GUCY1A2: variants seen among roughly 807,000 people sequenced by gnomAD.
GUCY1A2 encodes the protein guanylate cyclase 1 soluble subunit alpha 2.
Under a neutral mutation model 63.5 loss-of-function variants are expected in GUCY1A2, and 27 were observed. That is an observed-to-expected ratio of 0.43 (90% confidence interval 0.31 to 0.59). GUCY1A2 has a LOEUF of 0.59. Among genes scored for constraint, GUCY1A2 ranks in the 20% least tolerant of loss-of-function variants. The pLI, the probability that GUCY1A2 is intolerant of heterozygous loss-of-function variation, is 0.11. For missense variants in GUCY1A2, 768 were observed against 913.3 expected, an observed-to-expected ratio of 0.84 and a Z score of 2.05; for synonymous variants, 364 against 343.5, an observed-to-expected ratio of 1.06 and a Z score of -0.66.
intron 4 of GUCY1A2, among the ~76,000 whole-genome samples, chr11:106,887,632 A>G (rs1169462170): frequency 6.6e-6 from 1 of 152,182 alleles, no homozygotes; most frequent in Admixed American, 6.5e-5. Context: ...TCTGAGTCAC[A>G]CTATTGAGTC....
chr11:106,992,273 C>G (rs539578899), intron 1 of GUCY1A2, among the ~76,000 whole-genome samples: 1 of 150,926 alleles, frequency 6.6e-6, no homozygotes, highest in South Asian at 2.1e-4. Flanking sequence ...GTAATCTGTT[C>G]ACCCTCACGT....
intron 6 of GUCY1A2, among the ~76,000 whole-genome samples, chr11:106,720,085 A>G (rs1038638587): frequency 9.2e-5 from 14 of 152,336 alleles, no homozygotes; most frequent in Admixed American, 2.6e-4. Flanking sequence ...CCACAAAAAT[A>G]TATGTTTAAT....
chr11:106,679,672 A>AATATC lies in GUCY1A2; in HGVS notation c.*7872_*7876dup, dbSNP rs1591226202. The stretch of plus-strand genomic sequence containing the variant: ...AAAAGGAAAAAATATAGTTTGTTTT[A>AATATC]ATATCACTTGCATAGTGTTAGTCTG... On this transcript the variant is annotated 3_prime_UTR_variant, in exon 8 of 8. Coordinates refer to ENST00000526355, the MANE Select transcript of GUCY1A2 (RefSeq NM_000855.3). 4.6e-6 allele frequency: 1 copy of AATATC among 217,156 alleles called. No homozygotes were observed. Among genetic ancestry groups the AATATC allele is most frequent in the Non-Finnish European group, 9.3e-6 (1 of 107,896 alleles). The allele number at this position is 217,156 out of a possible 1,614,324, so 13.5% of individuals were successfully genotyped here. A position where few individuals can be genotyped will look rare whatever the true frequency, so the allele number is the denominator to read the frequency against.
intron 4 of GUCY1A2, among the ~76,000 whole-genome samples, chr11:106,850,636 A>G (rs533409600): frequency 1.4e-3 from 219 of 151,948 alleles, no homozygotes; most frequent in African/African-American, 5.0e-3. Flanking sequence ...AGTTGTGTTT[A>G]ATATAATGTC....
chr11:106,847,549 G>T (rs1859293235), intron 4 of GUCY1A2, among the ~76,000 whole-genome samples: 1 of 151,308 alleles, frequency 6.6e-6, no homozygotes, highest in South Asian at 2.1e-4. Context: ...AAGCCCTGGG[G>T]ACCCAAAGGA....
chr11:106,850,590 GACA>G (rs1565309612), intron 4 of GUCY1A2, among the ~76,000 whole-genome samples: 4 of 151,742 alleles, frequency 2.6e-5, no homozygotes, highest in African/African-American at 9.7e-5. Context: ...ACATATGTGT[GACA>G]ACATGTGGTT....
In GUCY1A2 at chr11:106,741,338, A is replaced by C. The variant is rs890112128; in HGVS notation, c.1837-32672T>G. Among the ~76,000 whole-genome samples the C allele has an allele frequency of 8.5e-5, 13 of 152,340 alleles. No homozygotes were observed. The South Asian group carries it at 2.7e-3, about 32-fold the overall frequency. On this transcript the variant is annotated intron_variant, in intron 6 of 7. Coordinates refer to ENST00000526355, the MANE Select transcript of GUCY1A2 (RefSeq NM_000855.3). ...GCCATATCTAAAGTATTCAATAGTC[A>C]CATGTGGCTAGTGGCTACCATATTG... is the stretch of plus-strand genomic sequence containing the variant.
intron 5 of GUCY1A2, among the ~76,000 whole-genome samples, chr11:106,794,175 A>G (rs912454442): frequency 1.3e-5 from 2 of 151,458 alleles, no homozygotes; most frequent in Admixed American, 6.6e-5. Context: ...GCCATAATAA[A>G]GAACAAAATC....
chr11:107,012,533 G>C (rs1861761706), intron 1 of GUCY1A2, among the ~76,000 whole-genome samples: 1 of 152,128 alleles, frequency 6.6e-6, no homozygotes, highest in African/African-American at 2.4e-5. Context: ...AAGGCTCAGA[G>C]AAGATAAGAG....
rs183828586 is a variant in GUCY1A2 at position 106,746,494 on chromosome 11, C to G, written c.1836+29945G>C. 1.2e-5 allele frequency: 10 copies of G among 856,732 alleles called. No homozygotes were observed. In the African/African-American group the frequency reaches 1.2e-4, roughly 10 times the overall value. The allele number at this position is 856,732 out of a possible 1,614,324, so 53.1% of individuals were successfully genotyped here. A position where few individuals can be genotyped will look rare whatever the true frequency, so the allele number is the denominator to read the frequency against. On this transcript the variant is annotated intron_variant, in intron 6 of 7. Coordinates refer to ENST00000526355, the MANE Select transcript of GUCY1A2 (RefSeq NM_000855.3). ...TTATACTCAAGGAAGTAAGTAATAA[C>G]CAATATGCATAGCTGTATCCTCTGT...
intron 4 of GUCY1A2, among the ~76,000 whole-genome samples, chr11:106,919,670 C>A (rs1860415965): frequency 6.6e-6 from 1 of 151,720 alleles, no homozygotes; most frequent in South Asian, 2.1e-4. Flanking sequence ...GTTAGTGATG[C>A]TAAAAAGAGG....
intron 4 of GUCY1A2, among the ~76,000 whole-genome samples, chr11:106,910,219 A>G (rs962899403): frequency 2.6e-5 from 4 of 152,026 alleles, no homozygotes; most frequent in African/African-American, 9.7e-5. Context: ...TGTGGCATGG[A>G]AAAAGCTCAA....
rs543835668 is a variant in GUCY1A2 at position 106,683,553 on chromosome 11, G to A, written c.*3996C>T. The A allele has an allele frequency of 4.4e-5, 10 of 227,706 alleles. No homozygotes were observed. Among genetic ancestry groups the A allele is most frequent in the South Asian group, 3.6e-4 (2 of 5,486 alleles). 14.1% of individuals were successfully genotyped at this position (227,706 alleles called of 1,614,324 possible). ...TGACTGTGTGTGGTCCTTCCTATCC[G>A]CCTGAATGAGGCACCAGCAACCCTT... On this transcript the variant is annotated 3_prime_UTR_variant, in exon 8 of 8. Coordinates refer to ENST00000526355, the MANE Select transcript of GUCY1A2 (RefSeq NM_000855.3).
intron 6 of GUCY1A2, among the ~76,000 whole-genome samples, chr11:106,770,834 A>C (rs1864242984): frequency 1.7e-4 from 1 of 5,828 alleles, no homozygotes; most frequent in Admixed American, 3.0e-3. Flanking sequence ...TAGCAATCTC[A>C]ATTGCAAATC....
At chr11:106,986,234 G>T in intron 1 of GUCY1A2, 103 bp from the exon 2 acceptor site, 1 of 670,034 alleles carries the variant, frequency 1.5e-6, no homozygotes, top group Non-Finnish European at 2.6e-6. Flanking sequence ...TTTATCTCTT[G>T]AGAGTTTTCC....
At chr11:106,944,817 A>G (rs1860804419) in intron 3 of GUCY1A2, among the ~76,000 whole-genome samples, 2 of 152,164 alleles carry the variant, frequency 1.3e-5, no homozygotes, top group South Asian at 4.1e-4. Flanking sequence ...CATACACTAC[A>G]AAACTATCAG....
At chr11:106,895,977 C>T (rs1425240881) in intron 4 of GUCY1A2, among the ~76,000 whole-genome samples, 1 of 150,012 alleles carries the variant, frequency 6.7e-6, no homozygotes, top group Admixed American at 6.7e-5. Flanking sequence ...TCGTGCCACT[C>T]CAGCCTGGGC....
At chr11:106,873,898 G>C (rs778132171) in intron 4 of GUCY1A2, among the ~76,000 whole-genome samples, 3 of 152,010 alleles carry the variant, frequency 2.0e-5, no homozygotes, top group Non-Finnish European at 2.9e-5. Context: ...AATTGTCTAT[G>C]AACTCTCCAT....
At chr11:106,778,877 T>C (rs891925587) in intron 5 of GUCY1A2, among the ~76,000 whole-genome samples, 2 of 152,166 alleles carry the variant, frequency 1.3e-5, no homozygotes, top group Non-Finnish European at 2.9e-5. Flanking sequence ...TCTAGATCTG[T>C]GTGCTATGTA....
Sources: gnomAD v4.1 joint callset for allele counts (sites outside exome capture counted in the v4.1 genomes callset) on GRCh38, gnomAD v4.1.1 for gene constraint, MANE v1.5 for transcripts, NCBI Gene and HGNC (gene_info 2026-07-23, HGNC 2026-07-21) for gene names.